MYO9A: variants seen among roughly 807,000 people sequenced by gnomAD.
MYO9A encodes the protein myosin IXA.
MYO9A carries 103 observed loss-of-function variants against 293.3 expected under a neutral mutation model. That is an observed-to-expected ratio of 0.35 (90% CI 0.30 to 0.41). MYO9A has a LOEUF of 0.41. Ranked by LOEUF, MYO9A falls within the 10% of genes least tolerant of loss-of-function variation. The probability of loss-of-function intolerance (pLI) is 1.00; values close to 1 mark genes in which losing one functional copy is unlikely to be tolerated. For synonymous variants in MYO9A, 1,001 were observed against 1,035.7 expected (o/e 0.97, Z 0.64); for missense variants, 2,685 against 3,033.0 (o/e 0.89, Z 2.69).
intron 8 of MYO9A, among the ~76,000 whole-genome samples, chr15:72,004,829 C>T (rs566622095): frequency 2.0e-5 from 3 of 152,214 alleles, no homozygotes; most frequent in South Asian, 4.1e-4. Context: ...AAAAAAATAA[C>T]TGAAAAGTAA....
At chr15:72,089,258 G>A (rs1310586921) in intron 1 of MYO9A, among the ~76,000 whole-genome samples, 1 of 152,078 alleles carries the variant, frequency 6.6e-6, no homozygotes, top group Non-Finnish European at 1.5e-5. Context: ...AACCTCCTGG[G>A]CTCAAGCAAT....
chr15:72,001,903 A>G (rs2076876863), intron 8 of MYO9A, among the ~76,000 whole-genome samples: 1 of 152,196 alleles, frequency 6.6e-6, no homozygotes, highest in African/African-American at 2.4e-5. Flanking sequence ...AAAAATGACA[A>G]AACTAACAAA....
At chr15:71,865,987 T>C (rs1402740281) in intron 32 of MYO9A, among the ~76,000 whole-genome samples, 1 of 152,190 alleles carries the variant, frequency 6.6e-6, no homozygotes, top group Non-Finnish European at 1.5e-5. Context: ...TTAACGTTTT[T>C]ATTATTTCAC....
chr15:71,827,229 G>A (rs990598556), intron 41 of MYO9A, among the ~76,000 whole-genome samples, 186 bp from the exon 42 acceptor site: 8 of 152,246 alleles, frequency 5.3e-5, no homozygotes, highest in African/African-American at 1.7e-4. Context: ...TAGCATTTCC[G>A]AATCATCTCC....
chr15:71,832,434 G>A (rs188292500), intron 39 of MYO9A, among the ~76,000 whole-genome samples: 2 of 151,180 alleles, frequency 1.3e-5, no homozygotes, highest in Admixed American at 1.3e-4. Flanking sequence ...AAGGCCTAAG[G>A]CAAAAAAAAG....
chr15:72,018,547 C>T (rs1308444887), intron 6 of MYO9A, among the ~76,000 whole-genome samples: 1 of 151,810 alleles, frequency 6.6e-6, no homozygotes, highest in Non-Finnish European at 1.5e-5. Context: ...CAGACTCTGG[C>T]TACTGGGAAA....
At chr15:71,867,391 C>G (rs1246197400) in intron 32 of MYO9A, among the ~76,000 whole-genome samples, 2 of 152,062 alleles carry the variant, frequency 1.3e-5, no homozygotes, top group Admixed American at 6.5e-5. Flanking sequence ...AGAAGATTCA[C>G]AAGTTTAATT....
intron 19 of MYO9A, among the ~76,000 whole-genome samples, chr15:71,907,006 A>G (rs1484489635): frequency 6.7e-6 from 1 of 148,738 alleles, no homozygotes; most frequent in Non-Finnish European, 1.5e-5. Context: ...GGTTAGTTAC[A>G]TATGTATACA....
intron 19 of MYO9A, among the ~76,000 whole-genome samples, chr15:71,912,258 G>GTTTTTTTTTTTTTTTTTTTTTT (rs34858713): frequency 6.9e-5 from 10 of 145,692 alleles, no homozygotes; most frequent in South Asian, 2.2e-4. Context: ...AAAGAGAAAA[G>GTTTTTTTTTTTTTTTTTTTTTT]TTTTTTTTTT....
intron 18 of MYO9A, among the ~76,000 whole-genome samples, chr15:71,923,535 TCA>T: frequency 6.6e-6 from 1 of 152,340 alleles, no homozygotes; most frequent in East Asian, 1.9e-4. Context: ...TGATTTGAAC[TCA>T]GAGTTGTTAC....
intron 1 of MYO9A, among the ~76,000 whole-genome samples, chr15:72,115,540 C>T (rs1235431561): frequency 6.6e-6 from 1 of 152,172 alleles, no homozygotes; most frequent in Non-Finnish European, 1.5e-5. Flanking sequence ...AACTCAACTC[C>T]GAATATCCAA....
rs764515575 is a variant in MYO9A at position 71,852,140 on chromosome 15, C to A, written c.6467G>T (p.Arg2156Leu). 6.2e-7 allele frequency: 1 copy of A among 1,611,368 alleles called. No homozygotes were observed. The highest frequency in any genetic ancestry group is 8.5e-7 in the Non-Finnish European group (1 of 1,178,356). The change falls in exon 36 of 42, where the codon CGA becomes CTA. Residue 2156 changes from arginine (R) to leucine (L), a missense_variant. Physicochemically the swap from Arg to Leu is moderately radical, Grantham distance 102. Transcript: ENST00000356056. ...AGGAAGCCTATGCTTACCCATAGCT[C>A]GAAGAAATTCCTCATAGAGTTCAAA... Reference protein sequence around the residue: ...MTFELYEEFLRAMGLQERKET... With the variant: ...MTFELYEEFLLAMGLQERKET...
At chr15:72,115,068 T>C (rs562717061) in intron 1 of MYO9A, among the ~76,000 whole-genome samples, 1 of 152,158 alleles carries the variant, frequency 6.6e-6, no homozygotes, top group Non-Finnish European at 1.5e-5. Flanking sequence ...ACTACTAAAA[T>C]AACTAAGGGA....
At chr15:72,068,286 T>C (rs1173900399) in intron 1 of MYO9A, among the ~76,000 whole-genome samples, 1 of 152,188 alleles carries the variant, frequency 6.6e-6, no homozygotes, top group East Asian at 1.9e-4. Flanking sequence ...ATATTTATTT[T>C]ACTAATTTTT....
At chr15:71,828,089 A>AAAAG (rs2054582715) in intron 40 of MYO9A, 63 bp from the exon 41 acceptor site, 2 of 1,541,210 alleles carry the variant, frequency 1.3e-6, no homozygotes, top group African/African-American at 1.4e-5. Context: ...ATAACAGAAA[A>AAAAG]AAAGATCCTC....
chr15:71,896,951 A>G (rs2057347200), intron 25 of MYO9A: 1 of 152,406 alleles, frequency 6.6e-6, no homozygotes, highest in African/African-American at 2.4e-5. Context: ...TTTGCAAAAC[A>G]ATGTATATAC....
At chr15:71,987,804 A>G (rs758631812) in intron 11 of MYO9A, among the ~76,000 whole-genome samples, 1 of 152,154 alleles carries the variant, frequency 6.6e-6, no homozygotes, top group South Asian at 2.1e-4. Context: ...ACTGAACTTA[A>G]CAAGTAATCA....
intron 39 of MYO9A, among the ~76,000 whole-genome samples, chr15:71,839,461 T>TGC (rs1326188745): frequency 6.6e-6 from 1 of 152,124 alleles, no homozygotes; most frequent in Admixed American, 6.5e-5. Context: ...CAGCCTAGAG[T>TGC]GCAGTGGCAC....
chr15:71,852,360 T>TTA, intron 35 of MYO9A, 100 bp from the exon 36 acceptor site: 53 of 1,175,678 alleles, frequency 4.5e-5, no homozygotes, highest in Non-Finnish European at 5.1e-5. Flanking sequence ...GGCTTCATGT[T>TTA]TCTTTTTTTT....
Sources: allele counts gnomAD v4.1 joint callset (sites outside exome capture counted in the v4.1 genomes callset), GRCh38; gene constraint gnomAD v4.1.1; transcripts MANE v1.5; gene names NCBI Gene and HGNC (gene_info 2026-07-23, HGNC 2026-07-21).